The following ACKR3 variants were observed in gnomAD, a reference collection of about 807,000 sequenced individuals.
ACKR3 encodes atypical chemokine receptor 3, also known as C-X-C chemokine receptor type 7.
Under a neutral mutation model 22.4 loss-of-function variants are expected in ACKR3, and 6 were observed. That is an observed-to-expected ratio of 0.27 (90% CI 0.15 to 0.53). The LOEUF is 0.53. ACKR3 is among the 20% of genes least tolerant of loss of function. ACKR3 has a pLI of 0.96. For synonymous variants in ACKR3, 209 were observed against 205.2 expected (o/e 1.02, Z -0.16); for missense variants, 396 against 475.2 (o/e 0.83, Z 1.55).
At chr2:236,566,949 GCCTT>G (rs145327612), upstream of ACKR3, among the ~76,000 whole-genome samples, 19,612 of 135,080 alleles carry the variant, frequency 0.15, 3,455 homozygotes, top group African/African-American at 0.45. Context: ...CTGCCTGCCT[GCCTT>G]CCTTCCTTCC....
the ACKR3 span, among the ~76,000 whole-genome samples, chr2:236,550,246 G>A: frequency 6.6e-6 from 1 of 152,194 alleles, no homozygotes; most frequent in Admixed American, 6.5e-5. This position sits in a 1 kb window ranked among gnomAD's most constrained non-coding sequence, Gnocchi z 4.6. Context: ...GCCTGCCCCT[G>A]GTGTCCACTG....
At position 236,581,438 on chromosome 2, in the gene ACKR3, G is replaced by A. The variant is rs750711958; in HGVS notation, c.973G>A (p.Glu325Lys). Residue 325 changes from glutamate to lysine, a missense_variant, in exon 2 of 2, where the codon GAG becomes AAG. By Grantham distance (56) the Glu-to-Lys change is moderately conservative. Transcript: ENST00000272928. This position sits in a 1 kb window ranked among gnomAD's most constrained non-coding sequence, Gnocchi z 4.4. ...CTTCATCAATCGCAACTACAGGTAC[G>A]AGCTGATGAAGGCCTTCATCTTCAA... ...YSFINRNYRY[E>K]LMKAFIFKYS... The A allele has an allele frequency of 4.3e-6, 7 of 1,614,032 alleles. No individual in the cohort carries two copies. The highest frequency in any genetic ancestry group is 1.1e-5 in the South Asian group (1 of 91,080).
At chr2:236,564,659 G>A (rs1225277202), upstream of ACKR3, among the ~76,000 whole-genome samples, 4 of 150,662 alleles carry the variant, frequency 2.7e-5, no homozygotes, top group Non-Finnish European at 5.9e-5. Context: ...CTTACCTTAG[G>A]GTCTACTTTT....
intron 1 of ACKR3, among the ~76,000 whole-genome samples, chr2:236,576,396 G>C (rs919689881): frequency 6.6e-6 from 1 of 152,234 alleles, no homozygotes; most frequent in Admixed American, 6.5e-5. Context: ...GAGGGGACCT[G>C]TGATTTCTGT....
the ACKR3 span, among the ~76,000 whole-genome samples, chr2:236,545,370 C>T: frequency 1.3e-5 from 2 of 152,312 alleles, no homozygotes; most frequent in African/African-American, 4.8e-5. This position sits in a 1 kb window ranked among gnomAD's most constrained non-coding sequence, Gnocchi z 5.3. Context: ...AGACAACACC[C>T]AGGCTTTCCG....
the ACKR3 span, among the ~76,000 whole-genome samples, chr2:236,545,532 G>C: frequency 1.3e-5 from 2 of 152,214 alleles, no homozygotes; most frequent in Non-Finnish European, 2.9e-5. The surrounding 1 kb of genome is among the most constrained non-coding windows in gnomAD (Gnocchi z 5.3). Flanking sequence ...TCAATGTTTA[G>C]ACGATGATGT....
At chr2:236,542,596 C>T in the ACKR3 span, among the ~76,000 whole-genome samples, 9 of 152,304 alleles carry the variant, frequency 5.9e-5, no homozygotes, top group South Asian at 1.7e-3. Flanking sequence ...CAGGAGACGG[C>T]GTGGCCAGTG....
the ACKR3 span, among the ~76,000 whole-genome samples, chr2:236,547,046 G>A: frequency 6.6e-6 from 1 of 152,194 alleles, no homozygotes; most frequent in South Asian, 2.1e-4. Flanking sequence ...AGAGTTGGAG[G>A]TTGGTGGAGA....
the ACKR3 span, among the ~76,000 whole-genome samples, chr2:236,538,036 T>G: frequency 2.0e-5 from 3 of 152,178 alleles, no homozygotes; most frequent in African/African-American, 7.2e-5. Flanking sequence ...CTTTTAAAAA[T>G]AATTCCCCAA....
upstream of ACKR3, among the ~76,000 whole-genome samples, chr2:236,565,026 CAG>C (rs1215761868): frequency 6.6e-6 from 1 of 152,162 alleles, no homozygotes; most frequent in South Asian, 2.1e-4. Context: ...TAAACTTCAT[CAG>C]AGAGTTCAAA....
chr2:236,571,596 G>T (rs1223725859), intron 1 of ACKR3, among the ~76,000 whole-genome samples: 1 of 133,396 alleles, frequency 7.5e-6, no homozygotes, highest in East Asian at 2.4e-4. Flanking sequence ...CCCAGAACAG[G>T]CCAAGTATAG....
chr2:236,551,201 G>T, the ACKR3 span, among the ~76,000 whole-genome samples: 1 of 152,322 alleles, frequency 6.6e-6, no homozygotes, highest in East Asian at 1.9e-4. Flanking sequence ...TTCTCCCTCA[G>T]CCTCCCGGTG....
At chr2:236,576,158 G>A (rs928923012) in intron 1 of ACKR3, among the ~76,000 whole-genome samples, 1 of 152,172 alleles carries the variant, frequency 6.6e-6, no homozygotes, top group Non-Finnish European at 1.5e-5. Flanking sequence ...GGCCTCAAGC[G>A]GGAATGGAAT....
chr2:236,560,278 G>A, the ACKR3 span, among the ~76,000 whole-genome samples: 1 of 148,866 alleles, frequency 6.7e-6, no homozygotes, highest in Admixed American at 6.7e-5. Context: ...AGTGTGTAAG[G>A]GTCCCAATTT....
At chr2:236,546,063 C>T in the ACKR3 span, among the ~76,000 whole-genome samples, 1 of 152,204 alleles carries the variant, frequency 6.6e-6, no homozygotes, top group African/African-American at 2.4e-5. The surrounding 1 kb of genome is among the most constrained non-coding windows in gnomAD (Gnocchi z 4.9). Flanking sequence ...GGAGAAAATA[C>T]AGGACCACGT....
In ACKR3 at chr2:236,581,990, G is replaced by A. The variant is rs940972839; in HGVS notation, c.*436G>A. ...GGCATAGTGCTGACATATATTCAGA[G>A]TGTTGTAGTTTTAAGGTTAGCGTGA... On this transcript the variant is annotated 3_prime_UTR_variant, in exon 2 of 2. Transcript: ENST00000272928. The surrounding 1 kb of genome is among the most constrained non-coding windows in gnomAD (Gnocchi z 4.4). 1 of 166,506 alleles carries A rather than the reference G, an allele frequency of 6.0e-6. No homozygotes were observed. Among genetic ancestry groups the A allele is most frequent in the African/African-American group, 2.4e-5 (1 of 41,340 alleles). The allele number at this position is 166,506 out of a possible 1,614,324, so 10.3% of individuals were successfully genotyped here.
At chr2:236,541,603 A>G in the ACKR3 span, among the ~76,000 whole-genome samples, 1 of 152,190 alleles carries the variant, frequency 6.6e-6, no homozygotes, top group Non-Finnish European at 1.5e-5. Context: ...TTGACTTAGC[A>G]CAGAACCACG....
intron 1 of ACKR3, among the ~76,000 whole-genome samples, chr2:236,575,196 A>C (rs1691382299): frequency 6.6e-6 from 1 of 152,186 alleles, no homozygotes; most frequent in Non-Finnish European, 1.5e-5. Flanking sequence ...TCTTGATGTC[A>C]AATTTCAAAT....
upstream of ACKR3, among the ~76,000 whole-genome samples, chr2:236,568,882 C>G (rs142749595): frequency 9.5e-4 from 144 of 152,292 alleles, no homozygotes; most frequent in Non-Finnish European, 1.8e-3. Context: ...TTTAAGAACT[C>G]CAGGAGATCA....
Sources: gnomAD v4.1 joint callset for allele counts (sites outside exome capture counted in the v4.1 genomes callset) on GRCh38, gnomAD v4.1.1 for gene constraint, Gnocchi (gnomAD v3.1) non-coding constraint, MANE v1.5 for transcripts, NCBI Gene and HGNC (gene_info 2026-07-23, HGNC 2026-07-21) for gene names.